ZNF423: variants seen among roughly 807,000 people sequenced by gnomAD.
ZNF423 encodes zinc finger protein 423, also known as Ebf-associated zinc finger protein.
ZNF423 carries 12 observed loss-of-function variants against 95.8 expected under a neutral mutation model. The observed-to-expected ratio is 0.13, with a 90% CI of 0.08 to 0.20. The LOEUF (loss-of-function observed/expected upper bound fraction) is 0.20. Ranked by LOEUF, ZNF423 falls within the 10% of genes least tolerant of loss-of-function variation. ZNF423 has a pLI of 1.00. For missense variants in ZNF423, 1,316 were observed against 1,737.1 expected, an observed-to-expected ratio of 0.76 and a Z score of 4.31; for synonymous variants, 749 against 711.9, an observed-to-expected ratio of 1.05 and a Z score of -0.83.
In ZNF423 at chr16:49,638,987, G is replaced by A. The variant is rs144592219; in HGVS notation, c.302-113C>T. 3.3e-3 allele frequency: 4,770 copies of A among 1,447,894 alleles called. 35 individuals carry two copies. The highest frequency in any genetic ancestry group is 4.9e-3 in the Middle Eastern group (27 of 5,486). The allele number at this position is 1,447,894 out of a possible 1,614,324, so 89.7% of individuals were successfully genotyped here. On this transcript the variant is annotated intron_variant, in intron 3 of 7. Transcript: ENST00000563137. The surrounding 1 kb of genome is among the most constrained non-coding windows in gnomAD (Gnocchi z 5.6). ...GCTGAGGCTGTGCAGCTGGCCAACG[G>A]CTGCAGGGGGCTGTGGGGAGGGGCA... is the stretch of plus-strand genomic sequence containing the variant.
intron 3 of ZNF423, among the ~76,000 whole-genome samples, chr16:49,688,236 A>G (rs1365309580): frequency 6.6e-6 from 1 of 152,122 alleles, no homozygotes; most frequent in Non-Finnish European, 1.5e-5. Context: ...GCTGGATTAA[A>G]CTTCAAACAC....
chr16:49,823,526 A>C (rs1223083267), intron 1 of ZNF423, among the ~76,000 whole-genome samples: 2 of 152,206 alleles, frequency 1.3e-5, no homozygotes, highest in African/African-American at 4.8e-5. Flanking sequence ...TCCTAACCAG[A>C]GTCCTATGCT....
intron 3 of ZNF423, among the ~76,000 whole-genome samples, chr16:49,696,746 C>A (rs552220909): frequency 6.6e-6 from 1 of 151,854 alleles, no homozygotes; most frequent in South Asian, 2.1e-4. Flanking sequence ...TCATTAAGTG[C>A]CTGACCTCAG....
In ZNF423 at chr16:49,822,606, C is replaced by T. The variant is rs752098369; in HGVS notation, c.41-33060G>A. 309 of 1,366,184 alleles carry T rather than the reference C, an allele frequency of 2.3e-4. 2 individuals are homozygous for T. The highest frequency in any genetic ancestry group is 2.8e-4 in the Non-Finnish European group (276 of 991,746). 84.6% of individuals were successfully genotyped at this position (1,366,184 alleles called of 1,614,324 possible). A position where few individuals can be genotyped will look rare whatever the true frequency, so the allele number is the denominator to read the frequency against. On this transcript the variant is annotated intron_variant, in intron 1 of 7. Transcript: ENST00000563137. Reference sequence around the variant, plus strand: ...TGTCCAAGAGAACTAAGCTCTAGTTCGAGCTCCTTCTGTCTGCCTACTTCC... The same window carrying T: ...TGTCCAAGAGAACTAAGCTCTAGTTTGAGCTCCTTCTGTCTGCCTACTTCC...
Position 49,582,115 on chromosome 16 carries a change from G to A in ZNF423, c.3601+44055C>T, listed in dbSNP as rs144188525. ...TCCTGAGCCCACCTGACGCCTACAC[G>A]CAAGCTGGGGATGCAAGAAACTGTC... is the stretch of plus-strand genomic sequence containing the variant. On this transcript the variant is annotated intron_variant, in intron 5 of 7. Transcript: ENST00000563137. Among the ~76,000 whole-genome samples, 742 of 152,272 alleles carry A rather than the reference G, an allele frequency of 4.9e-3. 7 individuals are homozygous for A. Among genetic ancestry groups the A allele is most frequent in the African/African-American group, 0.017 (691 of 41,548 alleles).
rs751098305 is a variant in ZNF423, at chr16:49,636,597, T to A, written c.2579A>T (p.Lys860Ile). 6.2e-7 allele frequency: 1 copy of A among 1,613,802 alleles called. No homozygotes were observed. Among genetic ancestry groups the A allele is most frequent in the African/African-American group, 1.3e-5 (1 of 74,978 alleles). Reference sequence around the variant, plus strand: ...GCCCTGCAGGTCAGCAGGCTCAGCTTTCTTGGTGGCCATTGGGGGTACCCC... The same window carrying A: ...GCCCTGCAGGTCAGCAGGCTCAGCTATCTTGGTGGCCATTGGGGGTACCCC... ...ANGVPPMATK[K>I]AEPADLQGML... is the part of the protein sequence containing the mutation. The change falls in exon 4 of 8, where the codon AAA becomes ATA. Residue 860 changes from lysine (K) to isoleucine (I), a missense_variant. Around this residue, in one of 6 missense-constraint regions of ZNF423, gnomAD observed 620 missense variants for 775.6 expected, o/e 0.80. Coordinates refer to ENST00000563137, the MANE Select transcript of ZNF423 (RefSeq NM_001379286.1). This position sits in a 1 kb window ranked among gnomAD's most constrained non-coding sequence, Gnocchi z 8.6.
rs567505666 is a variant in ZNF423 at position 49,653,980 on chromosome 16, C to T, written c.302-15106G>A. 7.2e-5 allele frequency among the ~76,000 whole-genome samples: 11 copies of T among 152,346 alleles called. No individual in the cohort carries two copies. In the South Asian group the frequency reaches 2.3e-3, roughly 32 times the overall value. On this transcript the variant is annotated intron_variant, in intron 3 of 7. Transcript: ENST00000563137. ...TTCTGTGGCCAGACACAGTGCCAAG[C>T]TCTTCGTAAGCTCCATTTTGTTAAA...
At chr16:49,537,618 C>A (rs1359434553) in intron 5 of ZNF423, among the ~76,000 whole-genome samples, 1 of 152,180 alleles carries the variant, frequency 6.6e-6, no homozygotes, top group Non-Finnish European at 1.5e-5. Context: ...TGAAAAGTCA[C>A]CCAAGATAGC....
intron 2 of ZNF423, among the ~76,000 whole-genome samples, chr16:49,744,341 A>C (rs1347579748): frequency 1.3e-5 from 2 of 152,090 alleles, no homozygotes; most frequent in Non-Finnish European, 2.9e-5. Context: ...CATGCTCAGC[A>C]CACATGTGGC....
Position 49,637,577 on chromosome 16 carries a change from A to G in ZNF423, c.1599T>C (p.Gly533=). The G allele has an allele frequency of 6.2e-7, 1 of 1,613,870 alleles. No individual in the cohort carries two copies. The highest frequency in any genetic ancestry group is 8.5e-7 in the Non-Finnish European group (1 of 1,179,972). Residue 533 remains glycine, a synonymous_variant, in exon 4 of 8, where the codon GGT becomes GGC. Coordinates refer to ENST00000563137, the MANE Select transcript of ZNF423 (RefSeq NM_001379286.1). The surrounding 1 kb of genome is among the most constrained non-coding windows in gnomAD (Gnocchi z 5.6). ...CGGTGAGGGAGGACTCAGTAAGGAA[A>G]CCCATGGAGCACTGGTTGCAGAAGA... ...NAFFCNQCSM[G]FLTESSLTEH...
chr16:49,733,689 C>A (rs2143419658), intron 2 of ZNF423, among the ~76,000 whole-genome samples: 1 of 152,328 alleles, frequency 6.6e-6, no homozygotes, highest in Admixed American at 6.5e-5. Flanking sequence ...ACCTCATCCT[C>A]TGGGCTCCCA....
intron 5 of ZNF423, among the ~76,000 whole-genome samples, chr16:49,534,279 A>G (rs1968975585): frequency 6.8e-6 from 1 of 147,794 alleles, no homozygotes; most frequent in East Asian, 2.0e-4. Flanking sequence ...TTTGAGACCG[A>G]GTTTCACTCT....
At chr16:49,670,916 C>A (rs1228795696) in intron 3 of ZNF423, among the ~76,000 whole-genome samples, 2 of 152,244 alleles carry the variant, frequency 1.3e-5, no homozygotes, top group Admixed American at 6.5e-5. Context: ...ATTGTGCTTG[C>A]AGCCTAGATC....
intron 5 of ZNF423, among the ~76,000 whole-genome samples, chr16:49,547,478 C>T (rs538205533): frequency 6.6e-6 from 1 of 152,216 alleles, no homozygotes; most frequent in South Asian, 2.1e-4. Flanking sequence ...AAAGATGAAA[C>T]CTGAAAACTC....
At chr16:49,694,709 C>A (rs1428508840) in intron 3 of ZNF423, among the ~76,000 whole-genome samples, 1 of 152,232 alleles carries the variant, frequency 6.6e-6, no homozygotes, top group Non-Finnish European at 1.5e-5. Context: ...GAGGCCCTGC[C>A]CTCCTCCATC....
chr16:49,709,183 T>TATATATATAA (rs58833331), intron 3 of ZNF423, among the ~76,000 whole-genome samples: 8 of 145,360 alleles, frequency 5.5e-5, no homozygotes, highest in African/African-American at 2.1e-4. Flanking sequence ...TATATATATA[T>TATATATATAA]GAAAACGGAG....
chr16:49,848,110 A>G (rs1376575907), intron 1 of ZNF423, among the ~76,000 whole-genome samples: 1 of 152,126 alleles, frequency 6.6e-6, no homozygotes, highest in Non-Finnish European at 1.5e-5. Context: ...TCTGTAAAAA[A>G]AGGAAAAAAA....
intron 3 of ZNF423, among the ~76,000 whole-genome samples, chr16:49,648,834 C>T (rs567392815): frequency 7.4e-4 from 113 of 152,228 alleles, no homozygotes; most frequent in African/African-American, 2.7e-3. Flanking sequence ...GTGTGACTCA[C>T]AGATCTCCTA....
At chr16:49,748,179 C>G (rs183628743) in intron 2 of ZNF423, among the ~76,000 whole-genome samples, 1 of 152,214 alleles carries the variant, frequency 6.6e-6, no homozygotes, top group Non-Finnish European at 1.5e-5. Flanking sequence ...GTGCCTGGCA[C>G]GTAGTAGGTG....
Sources: allele counts gnomAD v4.1 joint callset (sites outside exome capture counted in the v4.1 genomes callset), GRCh38; gene constraint gnomAD v4.1.1; regional missense constraint gnomAD v4.1.1; non-coding constraint Gnocchi (gnomAD v3.1); transcripts MANE v1.5; gene names NCBI Gene and HGNC (gene_info 2026-07-23, HGNC 2026-07-21).